The following GRIN2A variants were observed in gnomAD, a reference collection of about 807,000 sequenced individuals.
The protein encoded by GRIN2A is glutamate receptor ionotropic, NMDA 2A.
GRIN2A carries 22 observed loss-of-function variants against 113.4 expected under a neutral mutation model. The ratio of observed to expected loss-of-function variants is 0.19; its 90% confidence interval spans 0.14 to 0.28. The LOEUF (loss-of-function observed/expected upper bound fraction) is 0.28. Among genes scored for constraint, GRIN2A ranks in the 10% least tolerant of loss-of-function variants. GRIN2A has a pLI of 1.00. For synonymous variants in GRIN2A, 827 were observed against 738.4 expected (o/e 1.12, Z -1.94); for missense variants, 1,502 against 1,887.0 (o/e 0.80, Z 3.78).
At position 9,763,295 on chromosome 16, in the gene GRIN2A, G is replaced by T. The variant is rs369508378; in HGVS notation, c.4249C>A (p.Arg1417=). ...STASYCSRDS[R]GHNDVYISEH... ...GAAATATACACATCATTGTGGCCCCGACTGTCCCTGGAACAGTACGATGCC... is the reference window on the plus strand; with the variant it reads ...GAAATATACACATCATTGTGGCCCCTACTGTCCCTGGAACAGTACGATGCC... Residue 1417 remains arginine (R), a synonymous_variant, in exon 13 of 13, where the codon CGG becomes AGG. Coordinates refer to ENST00000330684, the MANE Select transcript of GRIN2A (RefSeq NM_001134407.3). 6.2e-7 allele frequency: 1 copy of T among 1,614,066 alleles called. No individual in the cohort carries two copies. The highest frequency in any genetic ancestry group is 8.5e-7 in the Non-Finnish European group (1 of 1,179,966).
rs3033377 is a variant in GRIN2A at position 10,086,605 on chromosome 16, CAAAAAAAAAAA to C, written c.414+93382_414+93392del. ...ACCATACCAGGGGGTGGAGCAGCTC[CAAAAAAAAAAA>C]AAAAAAAAAAGGAAACAGAGAAAAA... On this transcript the variant is annotated intron_variant, in intron 2 of 12. Transcript: ENST00000330684. 1.2e-4 allele frequency among the ~76,000 whole-genome samples: 12 copies of C among 99,694 alleles called. No individual in the cohort carries two copies. The South Asian group carries it at 1.8e-3, about 15-fold the overall frequency. 65.4% of individuals were successfully genotyped at this position (99,694 alleles called of 152,430 possible).
In GRIN2A at chr16:9,885,707, T is replaced by C. The variant is rs1337233395; in HGVS notation, c.1122+5279A>G. 2.0e-5 allele frequency among the ~76,000 whole-genome samples: 3 copies of C among 149,172 alleles called. No individual in the cohort carries two copies. In the East Asian group the frequency reaches 5.8e-4, roughly 29 times the overall value. On this transcript the variant is annotated intron_variant, in intron 4 of 12. Transcript: ENST00000330684. ...GTCTTTCCCCTCTGCTGACCTGCTG[T>C]ACCAGCGTGTAGTGCTGGGGGGGCA...
intron 11 of GRIN2A, among the ~76,000 whole-genome samples, chr16:9,795,657 A>G (rs139650799): frequency 6.6e-6 from 1 of 152,196 alleles, no homozygotes; most frequent in Non-Finnish European, 1.5e-5. Flanking sequence ...TACAGGGTCT[A>G]TGCTAAGCTA....
chr16:10,133,406 G>A (rs1242694454), intron 2 of GRIN2A, among the ~76,000 whole-genome samples: 2 of 152,106 alleles, frequency 1.3e-5, no homozygotes, highest in Non-Finnish European at 2.9e-5. Flanking sequence ...TCAGGAGTTC[G>A]AGACCAGCCT....
chr16:9,804,108 G>T (rs1221055089), intron 10 of GRIN2A, among the ~76,000 whole-genome samples: 1 of 152,176 alleles, frequency 6.6e-6, no homozygotes, highest in Non-Finnish European at 1.5e-5. Flanking sequence ...AAGACATGTA[G>T]GTATAGGTGG....
intron 10 of GRIN2A, among the ~76,000 whole-genome samples, chr16:9,820,050 C>A (rs530749577): frequency 6.6e-6 from 1 of 151,676 alleles, no homozygotes; most frequent in Non-Finnish European, 1.5e-5. Flanking sequence ...CATCTGCCCA[C>A]GTTTTCTAAG....
At chr16:9,967,643 T>A (rs1326352541) in intron 2 of GRIN2A, among the ~76,000 whole-genome samples, 1 of 151,534 alleles carries the variant, frequency 6.6e-6, no homozygotes, top group African/African-American at 2.4e-5. Flanking sequence ...AAGGTGGAGG[T>A]TTCAGTGAGC....
chr16:9,774,412 A>C (rs1430675734), intron 11 of GRIN2A, among the ~76,000 whole-genome samples: 1 of 152,196 alleles, frequency 6.6e-6, no homozygotes, highest in South Asian at 2.1e-4. Flanking sequence ...AATACACTCA[A>C]TATCTGAGTC....
chr16:9,896,566 C>T (rs1370276775), intron 3 of GRIN2A, among the ~76,000 whole-genome samples: 1 of 152,198 alleles, frequency 6.6e-6, no homozygotes, highest in Non-Finnish European at 1.5e-5. Context: ...CAGAAATCCT[C>T]ATGCTTCAGA....
At chr16:9,840,566 T>C in intron 7 of GRIN2A, 81 bp downstream of exon 7, 2 of 1,315,764 alleles carry the variant, frequency 1.5e-6, no homozygotes, top group Non-Finnish European at 2.2e-6. Context: ...AACAAGTTCC[T>C]TTCTGGTCCC....
At chr16:10,090,549 C>G (rs561448553) in intron 2 of GRIN2A, among the ~76,000 whole-genome samples, 1 of 151,796 alleles carries the variant, frequency 6.6e-6, no homozygotes, top group Non-Finnish European at 1.5e-5. Flanking sequence ...AGATCTTAGA[C>G]CTAAATATAA....
At chr16:10,125,265 T>G (rs2142196456) in intron 2 of GRIN2A, among the ~76,000 whole-genome samples, 1 of 152,318 alleles carries the variant, frequency 6.6e-6, no homozygotes, top group Middle Eastern at 3.4e-3. Context: ...TTGACCCTGG[T>G]GACACAACAC....
intron 2 of GRIN2A, among the ~76,000 whole-genome samples, chr16:10,001,399 T>C (rs935817163): frequency 6.6e-6 from 1 of 152,220 alleles, no homozygotes; most frequent in Non-Finnish European, 1.5e-5. Context: ...CATAAGCTTC[T>C]GTGACTGGAA....
intron 2 of GRIN2A, chr16:10,111,762 G>A (rs2048619250): frequency 6.6e-7 from 1 of 1,504,322 alleles, no homozygotes; most frequent in Non-Finnish European, 9.2e-7. Context: ...CACACACTGT[G>A]GGTGATGTGC....
chr16:10,055,266 T>C (rs1224097368), intron 2 of GRIN2A, among the ~76,000 whole-genome samples: 1 of 151,796 alleles, frequency 6.6e-6, no homozygotes, highest in Non-Finnish European at 1.5e-5. Flanking sequence ...GATAAGGGAA[T>C]GAAATGAGGG....
At chr16:10,160,178 G>C (rs567543312) in intron 2 of GRIN2A, among the ~76,000 whole-genome samples, 1 of 152,242 alleles carries the variant, frequency 6.6e-6, no homozygotes, top group South Asian at 2.1e-4. Flanking sequence ...ATACAATCCT[G>C]GACCTAGCCC....
intron 2 of GRIN2A, among the ~76,000 whole-genome samples, chr16:9,974,871 A>C (rs551545247): frequency 2.6e-5 from 4 of 152,186 alleles, no homozygotes; most frequent in Non-Finnish European, 5.9e-5. Context: ...GACTTCCAGT[A>C]CTATGCTGAA....
intron 10 of GRIN2A, among the ~76,000 whole-genome samples, chr16:9,813,039 G>A (rs1596453617): frequency 6.6e-6 from 1 of 152,360 alleles, no homozygotes; most frequent in Middle Eastern, 3.4e-3. Context: ...GTACAGAAGT[G>A]TGAGGGATGC....
At chr16:9,961,876 T>A (rs1394980189) in intron 2 of GRIN2A, among the ~76,000 whole-genome samples, 1 of 152,162 alleles carries the variant, frequency 6.6e-6, no homozygotes, top group Non-Finnish European at 1.5e-5. Flanking sequence ...GACTTCAAAC[T>A]ATGCTACAAG....
Sources: gnomAD v4.1 joint callset for allele counts (sites outside exome capture counted in the v4.1 genomes callset) on GRCh38, gnomAD v4.1.1 for gene constraint, MANE v1.5 for transcripts, NCBI Gene and HGNC (gene_info 2026-07-23, HGNC 2026-07-21) for gene names.